The following AADAT variants were observed in gnomAD, a reference collection of about 807,000 sequenced individuals.
The protein encoded by AADAT is kynurenine/alpha-aminoadipate aminotransferase, mitochondrial.
In AADAT, 25 loss-of-function variants were observed where a neutral mutation model predicts 56.2. The ratio of observed to expected loss-of-function variants is 0.44; its 90% CI spans 0.32 to 0.62. The LOEUF is 0.62. Among genes scored for constraint, AADAT ranks in the 20% least tolerant of loss-of-function variants. The pLI, the probability that AADAT is intolerant of heterozygous loss-of-function variation, is 0.04. For missense variants in AADAT, 387 were observed against 510.5 expected (o/e 0.76, Z 2.33); for synonymous variants, 173 against 164.7 (o/e 1.05, Z -0.39).
chr4:170,062,461 G>A (rs1026338482), intron 11 of AADAT, among the ~76,000 whole-genome samples: 3 of 152,180 alleles, frequency 2.0e-5, no homozygotes, highest in Non-Finnish European at 4.4e-5. Context: ...GATACACAGA[G>A]TAAAGGCCCT....
Position 170,060,726 on chromosome 4 carries a change from T to G in AADAT, c.*202A>C. The G allele has an allele frequency of 2.5e-6, 1 of 396,876 alleles. No individual in the cohort carries two copies. Among genetic ancestry groups the G allele is most frequent in the East Asian group, 3.8e-5 (1 of 26,384 alleles). The allele number at this position is 396,876 out of a possible 1,614,324, so 24.6% of individuals were successfully genotyped here. The stretch of plus-strand genomic sequence containing the variant: ...TGGAAAAATCCATGAGCAGCATGAT[T>G]AGTTTGATTTCTTTCTCTTTTTTTA... On this transcript the variant is annotated 3_prime_UTR_variant, in exon 13 of 13. Transcript: ENST00000337664.
intron 3 of AADAT, 22 bp downstream of exon 3, chr4:170,087,094 T>C: frequency 6.2e-7 from 1 of 1,612,784 alleles, no homozygotes; most frequent in Non-Finnish European, 8.5e-7. Flanking sequence ...ACATTTTGGC[T>C]GAGTTTTCCT....
intron 2 of AADAT, 55 bp downstream of exon 2, chr4:170,088,341 A>C (rs928526384): frequency 3.4e-6 from 5 of 1,486,030 alleles, no homozygotes; most frequent in Non-Finnish European, 4.6e-6. Context: ...AATGGGCCTT[A>C]GAATATTTCT....
At chr4:170,073,425 T>A in intron 4 of AADAT, 80 bp from the exon 5 acceptor site, 1 of 1,268,156 alleles carries the variant, frequency 7.9e-7, no homozygotes. Context: ...TCTTTCTAAC[T>A]AAGAACTTGC....
At chr4:170,067,442 T>C (rs1478369399) in intron 8 of AADAT, 54 bp from the exon 9 acceptor site, 2 of 1,471,442 alleles carry the variant, frequency 1.4e-6, no homozygotes, top group Non-Finnish European at 1.9e-6. Flanking sequence ...AATGTACTTT[T>C]TGCCATATAT....
At chr4:170,065,624 C>T (rs1052856101) in intron 10 of AADAT, among the ~76,000 whole-genome samples, 4 of 152,088 alleles carry the variant, frequency 2.6e-5, no homozygotes, top group South Asian at 2.1e-4. Flanking sequence ...CCTTAGCCTC[C>T]GAAGTAGCTG....
At chr4:170,075,587 G>A (rs1284704409) in intron 4 of AADAT, among the ~76,000 whole-genome samples, 1 of 152,242 alleles carries the variant, frequency 6.6e-6, no homozygotes, top group Non-Finnish European at 1.5e-5. Context: ...GGGATTACAG[G>A]CGTGAGCCAC....
At chr4:170,068,935 T>C (rs1008023636) in intron 7 of AADAT, among the ~76,000 whole-genome samples, 2 of 152,210 alleles carry the variant, frequency 1.3e-5, no homozygotes, top group East Asian at 3.8e-4. Flanking sequence ...CTGGTCCGAC[T>C]ACAACTTTAG....
intron 3 of AADAT, among the ~76,000 whole-genome samples, chr4:170,085,272 T>C (rs1455616216): frequency 1.3e-5 from 2 of 152,210 alleles, no homozygotes; most frequent in Non-Finnish European, 2.9e-5. Context: ...CATGGAGTCA[T>C]TGCCCTTAAA....
rs540180874 is a variant in AADAT, at chr4:170,071,260, G to C, written c.655-608C>G. 2.0e-5 allele frequency among the ~76,000 whole-genome samples: 3 copies of C among 152,310 alleles called. No individual in the cohort carries two copies. The East Asian group carries it at 5.8e-4, about 29-fold the overall frequency. ...GGGCAGAGCATTACAACAGGTGAGG[G>C]AGAGAGTGACAGGGTAGCTATTTCA... On this transcript the variant is annotated intron_variant, in intron 5 of 12. Transcript: ENST00000337664.
At chr4:170,074,747 C>T (rs906475817) in intron 4 of AADAT, among the ~76,000 whole-genome samples, 42 of 151,728 alleles carry the variant, frequency 2.8e-4, no homozygotes, top group Admixed American at 2.7e-3. Flanking sequence ...AGCAGATCAC[C>T]AGGCAGTACA....
chr4:170,092,506 C>T (rs187043012), upstream of AADAT, among the ~76,000 whole-genome samples: 1 of 152,244 alleles, frequency 6.6e-6, no homozygotes, highest in African/African-American at 2.4e-5. Context: ...ACTTTAAGAA[C>T]TGTTAACACA....
chr4:170,072,240 CGT>C (rs1731805334), intron 5 of AADAT, among the ~76,000 whole-genome samples: 1 of 148,370 alleles, frequency 6.7e-6, no homozygotes, highest in African/African-American at 2.5e-5. Context: ...TGTGTGTATA[CGT>C]GTGTTTATAT....
chr4:170,093,318 C>T (rs969036311), upstream of AADAT, among the ~76,000 whole-genome samples: 1 of 151,924 alleles, frequency 6.6e-6, no homozygotes, highest in Non-Finnish European at 1.5e-5. Flanking sequence ...TAATCTCAGC[C>T]ACTCGGGAGG....
upstream of AADAT, among the ~76,000 whole-genome samples, chr4:170,092,421 A>G (rs1581606176): frequency 1.3e-5 from 2 of 152,254 alleles, no homozygotes; most frequent in East Asian, 3.8e-4. Context: ...GCAGCCAGTG[A>G]GACCACGAAC....
upstream of AADAT, among the ~76,000 whole-genome samples, chr4:170,094,081 G>T (rs74876053): frequency 2.0e-5 from 3 of 152,198 alleles, no homozygotes; most frequent in South Asian, 6.2e-4. Flanking sequence ...AGTTGTACTG[G>T]TGAGACGGTT....
chr4:170,087,351 T>A, intron 2 of AADAT, 103 bp from the exon 3 acceptor site: 1 of 1,104,282 alleles, frequency 9.1e-7, no homozygotes, highest in Non-Finnish European at 1.3e-6. Context: ...CTTTGTACAC[T>A]CAATTAAAAA....
chr4:170,070,103 A>C (rs1017738069), intron 6 of AADAT, among the ~76,000 whole-genome samples: 1 of 152,080 alleles, frequency 6.6e-6, no homozygotes, highest in East Asian at 1.9e-4. Flanking sequence ...TCTTGTGTCC[A>C]TCGGGGATGC....
Position 170,089,912 on chromosome 4 carries a change from G to C in AADAT, c.-222C>G. 1 of 484,658 alleles carries C rather than the reference G, an allele frequency of 2.1e-6. No individual in the cohort carries two copies. The highest frequency in any genetic ancestry group is 3.6e-6 in the Non-Finnish European group (1 of 275,058). 30.0% of individuals were successfully genotyped at this position (484,658 alleles called of 1,614,324 possible). ...GGTCTCCCGGTCCTAAACGGGTCTG[G>C]GGCTGTGTGGCGAGCCCGGCAAAGT... On this transcript the variant is annotated 5_prime_UTR_variant, in exon 1 of 13. Transcript: ENST00000337664.
Sources: gnomAD v4.1 joint callset for allele counts (sites outside exome capture counted in the v4.1 genomes callset) on GRCh38, gnomAD v4.1.1 for gene constraint, MANE v1.5 for transcripts, NCBI Gene and HGNC (gene_info 2026-07-23, HGNC 2026-07-21) for gene names.